Variants in DGKB observed in about 807,000 individuals in gnomAD.
The protein encoded by DGKB is 90 kDa diacylglycerol kinase.
In DGKB, 67 loss-of-function variants were observed where a neutral mutation model predicts 114.3. The observed-to-expected ratio is 0.59, with a 90% CI of 0.48 to 0.72. The LOEUF (loss-of-function observed/expected upper bound fraction) is 0.72. Ranked by LOEUF, DGKB falls within the 30% of genes least tolerant of loss-of-function variation. DGKB has a pLI of 0.00. For synonymous variants in DGKB, 398 were observed against 323.1 expected (o/e 1.23, Z -2.49); for missense variants, 907 against 975.2 (o/e 0.93, Z 0.93).
intron 21 of DGKB, among the ~76,000 whole-genome samples, chr7:14,402,549 C>T (rs1427197713): frequency 1.3e-5 from 2 of 151,744 alleles, no homozygotes; most frequent in Non-Finnish European, 2.9e-5. Flanking sequence ...GTTTAACCTG[C>T]AATACTGTTA....
chr7:14,905,242 TAG>T (rs371049834), upstream of DGKB, among the ~76,000 whole-genome samples: 2 of 59,766 alleles, frequency 3.3e-5, no homozygotes, highest in Admixed American at 2.9e-4. Flanking sequence ...TCCATCTTGT[TAG>T]TTTTTTTTTT....
intron 23 of DGKB, among the ~76,000 whole-genome samples, chr7:14,337,928 G>GT (rs1810968094): frequency 2.0e-5 from 3 of 152,086 alleles, no homozygotes; most frequent in African/African-American, 7.2e-5. Flanking sequence ...CTGACCCATA[G>GT]TTAGTCTAGT....
At chr7:14,210,606 C>T (rs1363921377) in intron 23 of DGKB, among the ~76,000 whole-genome samples, 4 of 151,962 alleles carry the variant, frequency 2.6e-5, no homozygotes, top group African/African-American at 9.7e-5. Context: ...TCAATGTGGT[C>T]GGGTGAGAAT....
intron 20 of DGKB, among the ~76,000 whole-genome samples, chr7:14,489,943 AGTGTG>A (rs1784375620): frequency 6.6e-6 from 1 of 152,196 alleles, no homozygotes; most frequent in Non-Finnish European, 1.5e-5. Context: ...GGAGCTGGAT[AGTGTG>A]GTGGAACCAG....
chr7:14,565,416 A>G lies in DGKB; in HGVS notation c.1770+8796T>C, dbSNP rs138040115. ...TTAGCATATTAAGCCACTGAATTTT[A>G]GGAAGGTGATTCATAAAGCCATATA... On this transcript the variant is annotated intron_variant, in intron 20 of 25. Transcript: ENST00000402815. Among the ~76,000 whole-genome samples, 615 of 152,318 alleles carry G rather than the reference A, an allele frequency of 4.0e-3. 5 individuals are homozygous for G. The highest frequency in any genetic ancestry group is 0.014 in the African/African-American group (598 of 41,574).
At chr7:14,226,952 G>A (rs34965289) in intron 23 of DGKB, among the ~76,000 whole-genome samples, 33,673 of 151,902 alleles carry the variant, frequency 0.22, 3,824 homozygotes, top group Middle Eastern at 0.32. Context: ...TGCCCAGGCT[G>A]CACTCAAACT....
chr7:14,237,143 C>A (rs986967696), intron 23 of DGKB, among the ~76,000 whole-genome samples: 2 of 151,980 alleles, frequency 1.3e-5, no homozygotes, highest in African/African-American at 4.8e-5. Flanking sequence ...CACATTTCTA[C>A]ATGAATCATT....
At chr7:14,371,886 C>T (rs1817712405) in intron 21 of DGKB, among the ~76,000 whole-genome samples, 1 of 152,142 alleles carries the variant, frequency 6.6e-6, no homozygotes, top group Admixed American at 6.5e-5. Context: ...TGTGGAGGCT[C>T]CTACTTCACT....
rs1490620011 is a variant in DGKB, at chr7:14,489,310, A to C, written c.1771-11085T>G. ...AGATTTTGAATTGAGAAATCAAGTCAATGTAATATATTTAAAACTGTTCAT... is the reference window on the plus strand; with the variant it reads ...AGATTTTGAATTGAGAAATCAAGTCCATGTAATATATTTAAAACTGTTCAT... On this transcript the variant is annotated intron_variant, in intron 20 of 25. Transcript: ENST00000402815. Among the ~76,000 whole-genome samples the C allele has an allele frequency of 2.0e-5, 3 of 152,234 alleles. No homozygotes were observed. In the South Asian group the frequency reaches 6.2e-4, roughly 31 times the overall value.
At chr7:14,200,383 A>G (rs1432207869) in intron 23 of DGKB, among the ~76,000 whole-genome samples, 1 of 151,942 alleles carries the variant, frequency 6.6e-6, no homozygotes, top group Non-Finnish European at 1.5e-5. Context: ...ACAACTCCTC[A>G]TTGTTGAGCA....
At chr7:14,744,826 A>G (rs545224483) in intron 4 of DGKB, among the ~76,000 whole-genome samples, 1 of 152,250 alleles carries the variant, frequency 6.6e-6, no homozygotes, top group East Asian at 1.9e-4. Flanking sequence ...TAGTCTCATT[A>G]GTTGTTTTGA....
At chr7:14,674,142 G>A (rs1314324850) in intron 12 of DGKB, among the ~76,000 whole-genome samples, 1 of 151,674 alleles carries the variant, frequency 6.6e-6, no homozygotes, top group Non-Finnish European at 1.5e-5. Context: ...CCCTGCATTG[G>A]AGTTAAGATG....
At chr7:14,699,086 T>A (rs1824637240) in intron 7 of DGKB, among the ~76,000 whole-genome samples, 2 of 151,844 alleles carry the variant, frequency 1.3e-5, no homozygotes, top group Admixed American at 6.6e-5. Context: ...GGAAGCCGTG[T>A]TTCCCTCCGA....
At chr7:14,559,785 G>A (rs1796383054) in intron 20 of DGKB, among the ~76,000 whole-genome samples, 1 of 152,182 alleles carries the variant, frequency 6.6e-6, no homozygotes, top group Non-Finnish European at 1.5e-5. Flanking sequence ...GCTATTTAGT[G>A]AAACTCCAGG....
chr7:14,926,800 T>G (rs1402048635), intron 1 of DGKB, among the ~76,000 whole-genome samples: 1 of 152,006 alleles, frequency 6.6e-6, no homozygotes, highest in Non-Finnish European at 1.5e-5. Flanking sequence ...AGTGCCTGCT[T>G]TCTTTTTTTG....
chr7:14,471,605 T>G (rs1781412631), intron 21 of DGKB, among the ~76,000 whole-genome samples: 1 of 151,640 alleles, frequency 6.6e-6, no homozygotes, highest in South Asian at 2.1e-4. Flanking sequence ...AATTTTTGTT[T>G]GTTTTGCATT....
At chr7:14,196,880 G>T (rs1785100132) in intron 23 of DGKB, among the ~76,000 whole-genome samples, 1 of 151,964 alleles carries the variant, frequency 6.6e-6, no homozygotes, top group Non-Finnish European at 1.5e-5. Context: ...AGTTTTCATT[G>T]ATGTTTTAAA....
intron 23 of DGKB, among the ~76,000 whole-genome samples, chr7:14,248,910 G>A (rs1395322538): frequency 6.6e-6 from 1 of 152,098 alleles, no homozygotes; most frequent in African/African-American, 2.4e-5. Flanking sequence ...GAGCAGTCTT[G>A]ACTCATTCCT....
chr7:14,968,057 C>A (rs2115297222), intron 1 of DGKB, among the ~76,000 whole-genome samples: 1 of 152,144 alleles, frequency 6.6e-6, no homozygotes, highest in East Asian at 1.9e-4. Flanking sequence ...AACTGAAATA[C>A]CTTTGTCCAT....
Sources: allele counts gnomAD v4.1 joint callset (sites outside exome capture counted in the v4.1 genomes callset), GRCh38; gene constraint gnomAD v4.1.1; transcripts MANE v1.5; gene names NCBI Gene and HGNC (gene_info 2026-07-23, HGNC 2026-07-21).